The following ABR variants were observed in gnomAD, a reference collection of about 807,000 sequenced individuals.
ABR encodes active breakpoint cluster region-related protein.
Under a neutral mutation model 107.2 loss-of-function variants are expected in ABR, and 35 were observed. The ratio of observed to expected loss-of-function variants is 0.33; its 90% CI spans 0.25 to 0.43. ABR has a LOEUF of 0.43. ABR is among the 20% of genes least tolerant of loss of function. The pLI, the probability that ABR is intolerant of heterozygous loss-of-function variation, is 1.00. For synonymous variants in ABR, 498 were observed against 462.0 expected, an observed-to-expected ratio of 1.08 and a Z score of -1.00; for missense variants, 815 against 1,115.2, an observed-to-expected ratio of 0.73 and a Z score of 3.83.
rs113660212 is a variant in ABR at position 1,049,861 on chromosome 17, G to A, written c.1791+189C>T. 3.1e-3 allele frequency: 2,248 copies of A among 729,458 alleles called. 31 individuals are homozygous for A. The African/African-American group carries it at 0.034, about 11-fold the overall frequency. The allele number at this position is 729,458 out of a possible 1,614,324, so 45.2% of individuals were successfully genotyped here. A position where few individuals can be genotyped will look rare whatever the true frequency, so the allele number is the denominator to read the frequency against. The stretch of plus-strand genomic sequence containing the variant: ...GACCCACCTGAGGAGCCACGCACAC[G>A]CCTGGGCTTCCGGGGCCACAACAGG... On this transcript the variant is annotated intron_variant, in intron 16 of 22. Transcript: ENST00000302538.
At chr17:1,166,620 C>T (rs941254698) in intron 1 of ABR, among the ~76,000 whole-genome samples, 3 of 152,166 alleles carry the variant, frequency 2.0e-5, no homozygotes, top group Non-Finnish European at 4.4e-5. Flanking sequence ...GAGGGAGCTA[C>T]GAAGGCTTGG....
intron 1 of ABR, among the ~76,000 whole-genome samples, chr17:1,206,992 G>A (rs1296307329): frequency 2.0e-5 from 3 of 152,142 alleles, no homozygotes; most frequent in African/African-American, 4.8e-5. Context: ...GCTGAGGCAG[G>A]AGAATTGCTT....
chr17:1,111,657 G>A (rs2258355), intron 2 of ABR, among the ~76,000 whole-genome samples: 88,198 of 152,106 alleles, frequency 0.58, 26,294 homozygotes, highest in East Asian at 0.74. Context: ...TGTTGATGCA[G>A]GCACTGCCCC....
chr17:1,040,658 G>C (rs1353493951), intron 16 of ABR, among the ~76,000 whole-genome samples: 1 of 152,194 alleles, frequency 6.6e-6, no homozygotes, highest in African/African-American at 2.4e-5. Context: ...CCACTGGAAG[G>C]GGGTGGGGGA....
At chr17:1,093,531 A>G (rs1268061042) in intron 3 of ABR, among the ~76,000 whole-genome samples, 1 of 152,136 alleles carries the variant, frequency 6.6e-6, no homozygotes, top group East Asian at 1.9e-4. Flanking sequence ...AACAGTGGGG[A>G]AAAGTTATGG....
chr17:1,014,396 G>C (rs567408473), intron 16 of ABR, among the ~76,000 whole-genome samples: 2 of 145,720 alleles, frequency 1.4e-5, no homozygotes, highest in East Asian at 2.1e-4. Context: ...AGCCGAGATC[G>C]CGCCACTGCA....
At chr17:1,012,019 C>T (rs764306596) in intron 18 of ABR, 34 bp from the exon 19 acceptor site, 5 of 1,608,092 alleles carry the variant, frequency 3.1e-6, no homozygotes, top group Admixed American at 1.7e-5. Flanking sequence ...TGGAGGGCAG[C>T]CCCCACGACA....
At chr17:1,045,675 A>C (rs923587850) in intron 16 of ABR, among the ~76,000 whole-genome samples, 5 of 152,238 alleles carry the variant, frequency 3.3e-5, no homozygotes. Flanking sequence ...GGAAGCATTT[A>C]GCACCGTGCT....
intron 22 of ABR, among the ~76,000 whole-genome samples, chr17:1,006,492 G>A (rs527502189): frequency 6.6e-6 from 1 of 152,192 alleles, no homozygotes; most frequent in Non-Finnish European, 1.5e-5. Context: ...CCACCCATGA[G>A]GACAAGGGCC....
In ABR at chr17:1,175,062, GAGA is replaced by G. The variant is rs2041870593; in HGVS notation, c.61+4602_61+4604del. Among the ~76,000 whole-genome samples the G allele has an allele frequency of 3.3e-5, 5 of 152,278 alleles. No individual in the cohort carries two copies. In the South Asian group the frequency reaches 8.3e-4, roughly 25 times the overall value. ...AAAAATAAAATAAAAAAATAACAAA[GAGA>G]AGATGATACGTGTTTAGCAGAAAGG... On this transcript the variant is annotated intron_variant, in intron 1 of 22. Coordinates refer to ENST00000302538, the MANE Select transcript of ABR (RefSeq NM_021962.5).
At chr17:1,191,322 C>T (rs564661558), upstream of ABR, among the ~76,000 whole-genome samples, 53 of 150,524 alleles carry the variant, frequency 3.5e-4, 1 homozygote, top group African/African-American at 1.3e-3. Context: ...CGCCTAGTAA[C>T]GATGTTCTGG....
chr17:1,162,789 C>G (rs2041356226), intron 1 of ABR, among the ~76,000 whole-genome samples: 1 of 152,028 alleles, frequency 6.6e-6, no homozygotes, highest in Non-Finnish European at 1.5e-5. Flanking sequence ...CTTTGAAAGG[C>G]TAGGCCAAGC....
At chr17:1,183,340 C>A (rs2042193184), upstream of ABR, among the ~76,000 whole-genome samples, 1 of 152,052 alleles carries the variant, frequency 6.6e-6, no homozygotes, top group South Asian at 2.1e-4. Context: ...CTCAGACTGT[C>A]TGCGGCTCTC....
At chr17:1,199,427 T>G (rs1009197841) in intron 1 of ABR, among the ~76,000 whole-genome samples, 1 of 150,578 alleles carries the variant, frequency 6.6e-6, no homozygotes, top group Non-Finnish European at 1.5e-5. Flanking sequence ...TGAAACAGGA[T>G]CTTGCTCTGT....
At position 1,125,176 on chromosome 17, in the gene ABR, T is replaced by C; in HGVS notation, c.246+7A>G. 1 of 1,562,472 alleles carries C rather than the reference T, an allele frequency of 6.4e-7. No individual in the cohort carries two copies. Among genetic ancestry groups the C allele is most frequent in the Non-Finnish European group, 8.7e-7 (1 of 1,153,830 alleles). ...CCAAACCCAGAAAGAAAAGCCGGTGTACCTACCCCAGGAGCCAGTCCCTCA... is the reference window on the plus strand; with the variant it reads ...CCAAACCCAGAAAGAAAAGCCGGTGCACCTACCCCAGGAGCCAGTCCCTCA... On this transcript the variant is annotated splice_region_variant and intron_variant, in intron 2 of 22. Transcript: ENST00000302538.
At chr17:1,112,621 A>G (rs867215144) in intron 2 of ABR, among the ~76,000 whole-genome samples, 11 of 149,104 alleles carry the variant, frequency 7.4e-5, no homozygotes, top group African/African-American at 2.3e-4. Context: ...GGGAGGAAGG[A>G]AGGAAGGAAG....
upstream of ABR, among the ~76,000 whole-genome samples, chr17:1,189,473 C>T (rs921345875): frequency 6.6e-6 from 1 of 151,892 alleles, no homozygotes; most frequent in African/African-American, 2.4e-5. Context: ...CTCAGTCTCC[C>T]GAGTCACTGC....
chr17:1,200,061 A>G lies in ABR; in HGVS notation c.838+28732T>C, dbSNP rs1456065726. 1.3e-5 allele frequency among the ~76,000 whole-genome samples: 2 copies of G among 152,012 alleles called. No individual in the cohort carries two copies. Among genetic ancestry groups the G allele is most frequent in the African/African-American group, 2.4e-5 (1 of 41,408 alleles). On this transcript the variant is annotated intron_variant, in intron 1 of 22. Coordinates refer to the ABR transcript ENST00000574139. The surrounding 1 kb of genome is among the most constrained non-coding windows in gnomAD (Gnocchi z 4.1). The stretch of plus-strand genomic sequence containing the variant: ...CAAAGTTTTATAGTTGGCCTTCTCT[A>G]CCTGGCTGGAAGCCACACTATCCCT...
upstream of ABR, among the ~76,000 whole-genome samples, chr17:1,183,217 G>A (rs948977173): frequency 6.6e-6 from 1 of 152,066 alleles, no homozygotes; most frequent in Non-Finnish European, 1.5e-5. Context: ...GCTCCCCAAG[G>A]CACTGAACCC....
Sources: allele counts gnomAD v4.1 joint callset (sites outside exome capture counted in the v4.1 genomes callset), GRCh38; gene constraint gnomAD v4.1.1; non-coding constraint Gnocchi (gnomAD v3.1); transcripts MANE v1.5; gene names NCBI Gene and HGNC (gene_info 2026-07-23, HGNC 2026-07-21).